Variants in MVB12A observed in about 807,000 individuals in gnomAD.
MVB12A encodes CIN85/CD2AP family binding protein.
Under a neutral mutation model 34.3 loss-of-function variants are expected in MVB12A, and 30 were observed. The observed-to-expected ratio is 0.88, with a 90% CI of 0.65 to 1.19. The LOEUF (loss-of-function observed/expected upper bound fraction) is 1.19. MVB12A is among the 50% of genes most tolerant of loss of function. The probability of loss-of-function intolerance (pLI) is 0.00; values close to 1 mark genes in which losing one functional copy is unlikely to be tolerated. For synonymous variants in MVB12A, 158 were observed against 158.9 expected, an observed-to-expected ratio of 0.99 and a Z score of 0.04; for missense variants, 355 against 369.2, an observed-to-expected ratio of 0.96 and a Z score of 0.31.
At chr19:17,416,213 CTGGGATTACAGGCGCATGCCACTGAGTAG>C (rs1329016917), upstream of MVB12A, among the ~76,000 whole-genome samples, 1,443 of 81,982 alleles carry the variant, frequency 0.018, 20 homozygotes, top group African/African-American at 0.14. Context: ...TCCTGAGTAG[CTGGGATTACAGGCGCATGCCACTGAGTAG>C]CTGGGATTAC....
intron 2 of MVB12A, among the ~76,000 whole-genome samples, chr19:17,407,962 C>T (rs1005376377): frequency 4.6e-5 from 7 of 152,248 alleles, no homozygotes; most frequent in South Asian, 2.1e-4. Context: ...TGGCCCTGTC[C>T]GGGCATAACA....
rs1599608829 is a variant in MVB12A at position 17,423,458 on chromosome 19, C to T, written c.414-40C>T. 3.1e-6 allele frequency: 5 copies of T among 1,601,784 alleles called. No homozygotes were observed. In the East Asian group the frequency reaches 6.7e-5, roughly 22 times the overall value. ...GGGGCTATCCTCAACCCTGGCCCCA[C>T]ACCGGGCCAGCATCCCTCCCACCTT... On this transcript the variant is annotated intron_variant, in intron 4 of 8. Coordinates refer to ENST00000317040, the MANE Select transcript of MVB12A (RefSeq NM_138401.4).
Position 17,420,219 on chromosome 19 carries a change from C to T in MVB12A, c.84C>T (p.Phe28=), listed in dbSNP as rs1341120903. 1.3e-6 allele frequency: 2 copies of T among 1,488,678 alleles called. No homozygotes were observed. Among genetic ancestry groups the T allele is most frequent in the Middle Eastern group, 1.9e-4 (1 of 5,292 alleles). 92.2% of individuals were successfully genotyped at this position (1,488,678 alleles called of 1,614,324 possible). A position where few individuals can be genotyped will look rare whatever the true frequency, so the allele number is the denominator to read the frequency against. The stretch of plus-strand genomic sequence containing the variant: ...CCTCTGCACCCCCGCCGCGGGGGTT[C>T]AGCGCGGTGAGCGGCGTCGAGGGGC... The part of the protein sequence containing the change: ...SSASAPPPRG[F]SAISCTVEGA... Residue 28 remains phenylalanine (F), a synonymous_variant, in exon 1 of 9, where the codon TTC becomes TTT. Coordinates refer to ENST00000317040, the MANE Select transcript of MVB12A (RefSeq NM_138401.4).
At chr19:17,409,155 T>C (rs1306095660) in intron 2 of MVB12A, among the ~76,000 whole-genome samples, 1 of 147,502 alleles carries the variant, frequency 6.8e-6, no homozygotes, top group Non-Finnish European at 1.5e-5. Flanking sequence ...TTTTTAAATA[T>C]ATTCTCCCTC....
intron 2 of MVB12A, among the ~76,000 whole-genome samples, chr19:17,412,890 C>T (rs2074777736): frequency 6.6e-6 from 1 of 152,142 alleles, no homozygotes; most frequent in Admixed American, 6.6e-5. Context: ...AGCTTGTAAT[C>T]AGTGCTGTCA....
Position 17,420,110 on chromosome 19 carries a change from C to T in MVB12A, c.-26C>T, listed in dbSNP as rs1158779780. ...GAGGTTCGAGGCTGTGCCCCGCGACCCCGCCTTCGGCGCTCGGCTCGCAGG... is the reference window on the plus strand; with the variant it reads ...GAGGTTCGAGGCTGTGCCCCGCGACTCCGCCTTCGGCGCTCGGCTCGCAGG... On this transcript the variant is annotated 5_prime_UTR_variant, in exon 1 of 9. Transcript: ENST00000317040. 1.5e-6 allele frequency: 2 copies of T among 1,328,706 alleles called. No homozygotes were observed. Among genetic ancestry groups the T allele is most frequent in the Non-Finnish European group, 1.9e-6 (2 of 1,044,386 alleles). 82.3% of individuals were successfully genotyped at this position (1,328,706 alleles called of 1,614,324 possible).
rs558961506 is a variant in MVB12A at position 17,408,420 on chromosome 19, T to C, written c.-5+2124T>C. On this transcript the variant is annotated intron_variant, in intron 2 of 6. Coordinates refer to the MVB12A transcript ENST00000528604. ...TATATATTTTAAGTACATATATTTA[T>C]TTTATTTTGTTTTAATTAATTAATT... 2.6e-3 allele frequency among the ~76,000 whole-genome samples: 387 copies of C among 146,946 alleles called. 1 individual carries two copies. The highest frequency in any genetic ancestry group is 9.2e-3 in the African/African-American group (365 of 39,760).
chr19:17,412,323 G>C (rs568007730), intron 2 of MVB12A, among the ~76,000 whole-genome samples: 1 of 152,166 alleles, frequency 6.6e-6, no homozygotes, highest in Non-Finnish European at 1.5e-5. Flanking sequence ...CTGGAGTGCA[G>C]TAATGCAGTC....
chr19:17,417,051 C>T, upstream of MVB12A: 1 of 409,606 alleles, frequency 2.4e-6, no homozygotes, highest in South Asian at 1.8e-5. Flanking sequence ...TCCTCTTCCA[C>T]TTTTTTCCAG....
At chr19:17,410,292 T>G (rs74460666) in intron 2 of MVB12A, among the ~76,000 whole-genome samples, 27,174 of 150,048 alleles carry the variant, frequency 0.18, 2,582 homozygotes, top group South Asian at 0.26. Context: ...CACCTCAGCC[T>G]CTGGCGTAGC....
At chr19:17,410,497 CATATATATAT>C (rs373127253) in intron 2 of MVB12A, among the ~76,000 whole-genome samples, 1,179 of 77,606 alleles carry the variant, frequency 0.015, 48 homozygotes, top group Middle Eastern at 0.047. Flanking sequence ...GTTTTAGCTT[CATATATATAT>C]ATATATATAT....
chr19:17,424,107 A>T, intron 7 of MVB12A, 40 bp downstream of exon 7: 1 of 1,591,418 alleles, frequency 6.3e-7, no homozygotes, highest in African/African-American at 1.3e-5. Flanking sequence ...TGCGCCTGCC[A>T]TCACCATTCT....
upstream of MVB12A, among the ~76,000 whole-genome samples, chr19:17,416,831 C>T (rs1303898594): frequency 6.6e-6 from 1 of 151,016 alleles, no homozygotes; most frequent in Non-Finnish European, 1.5e-5. Flanking sequence ...TCCGGAGTAG[C>T]TGAGACGACA....
chr19:17,425,088 A>T lies in MVB12A; in HGVS notation c.*95A>T, dbSNP rs1427600755. On this transcript the variant is annotated 3_prime_UTR_variant, in exon 9 of 9. Transcript: ENST00000317040. ...CTGCATCCTGGGGCCACCCCCACTC[A>T]CTGCATCCTGGGAACCTTCGCCCTG... 1.8e-6 allele frequency: 1 copy of T among 542,942 alleles called. No individual in the cohort carries two copies. Among genetic ancestry groups the T allele is most frequent in the Non-Finnish European group, 3.1e-6 (1 of 323,694 alleles). The allele number at this position is 542,942 out of a possible 1,614,324, so 33.6% of individuals were successfully genotyped here.
intron 8 of MVB12A, 25 bp from the exon 9 acceptor site, chr19:17,424,906 C>A: frequency 1.9e-6 from 3 of 1,579,532 alleles, no homozygotes; most frequent in Non-Finnish European, 2.6e-6. Flanking sequence ...GGCACCTGTT[C>A]ACTCTCTCTC....
intron 2 of MVB12A, chr19:17,414,848 A>G (rs2074789393): frequency 6.6e-6 from 1 of 152,260 alleles, no homozygotes; most frequent in Admixed American, 6.6e-5. Flanking sequence ...CAGCCTGGGC[A>G]AGAAAGTGAG....
chr19:17,412,456 G>A (rs1386430260), intron 2 of MVB12A, among the ~76,000 whole-genome samples: 4 of 151,970 alleles, frequency 2.6e-5, no homozygotes, highest in South Asian at 2.1e-4. Context: ...TAGTAGAGAC[G>A]GGGTTTCACC....
In MVB12A at chr19:17,424,075, G is replaced by A. The variant is rs548126009; in HGVS notation, c.702+8G>A. On this transcript the variant is annotated splice_region_variant and intron_variant, in intron 7 of 8. Transcript: ENST00000317040. ...AAGAGCTGCAGCCCCCTGGTGAGTCGGGGTCTCAGGGAGCCTGGGTCTGCG... is the reference window on the plus strand; with the variant it reads ...AAGAGCTGCAGCCCCCTGGTGAGTCAGGGTCTCAGGGAGCCTGGGTCTGCG... 1.0e-4 allele frequency: 167 copies of A among 1,613,824 alleles called. 1 individual carries two copies. The South Asian group carries it at 1.7e-3, about 16-fold the overall frequency.
At chr19:17,417,213 C>CTTGTTT (rs2074805887), upstream of MVB12A, 1 of 96,548 alleles carries the variant, frequency 1.0e-5, no homozygotes, top group Non-Finnish European at 1.9e-5. Context: ...TCACCCAGAG[C>CTTGTTT]TTTTTTTTTT....
Sources: gnomAD v4.1 joint callset for allele counts (sites outside exome capture counted in the v4.1 genomes callset) on GRCh38, gnomAD v4.1.1 for gene constraint, MANE v1.5 for transcripts, NCBI Gene and HGNC (gene_info 2026-07-23, HGNC 2026-07-21) for gene names.